The following CDKL5 variants were observed in gnomAD, a reference collection of about 807,000 sequenced individuals.
The protein encoded by CDKL5 is cyclin-dependent kinase-like 5.
In CDKL5, 8 loss-of-function variants were observed where a neutral mutation model predicts 61.7. The ratio of observed to expected loss-of-function variants is 0.13; its 90% CI spans 0.08 to 0.23. The LOEUF (loss-of-function observed/expected upper bound fraction) is 0.23, where lower values mean the gene tolerates loss of function less well. CDKL5 is among the 10% of genes least tolerant of loss of function. The pLI is 1.00. For synonymous variants in CDKL5, 275 were observed against 272.3 expected (o/e 1.01, Z -0.10); for missense variants, 440 against 734.5 (o/e 0.60, Z 4.63).
At chrX:18,538,449 AT>A (rs1302076787) in intron 3 of CDKL5, among the ~76,000 whole-genome samples, 7 of 108,310 alleles carry the variant, frequency 6.5e-5, no homozygotes, top group Non-Finnish European at 1.3e-4. Flanking sequence ...TCATTTATCA[AT>A]TTTTTTTTTC....
chrX:18,633,864 G>A lies in CDKL5; in HGVS notation c.*5107G>A, dbSNP rs1010597450. On this transcript the variant is annotated 3_prime_UTR_variant, in exon 18 of 18. Transcript: ENST00000623535. ...CTCCGGGCACTGACCCCACCTTTCC[G>A]TGTATTTACTGTAGGCTATTAAATA... 21 of 751,606 alleles carry A rather than the reference G, an allele frequency of 2.8e-5. No individual in the cohort carries two copies. The highest frequency in any genetic ancestry group is 8.9e-5 in the Admixed American group (1 of 11,258). The allele number at this position is 751,606 out of a possible 1,213,427, so 61.9% of individuals were successfully genotyped here.
At chrX:18,650,700 C>A in intron 21 of CDKL5, 1 of 907,140 alleles carries the variant, frequency 1.1e-6, no homozygotes, top group Non-Finnish European at 1.6e-6. Flanking sequence ...GGGATTCTGA[C>A]ATCATTGGCC....
Position 18,538,094 on chromosome X carries a change from C to T in CDKL5, c.100-26383C>T, listed in dbSNP as rs556534408. Among the ~76,000 whole-genome samples, 51 of 111,835 alleles carry T rather than the reference C, an allele frequency of 4.6e-4. No individual in the cohort carries two copies. The South Asian group carries it at 0.015, about 33-fold the overall frequency. On this transcript the variant is annotated intron_variant, in intron 3 of 17. Transcript: ENST00000623535. ...GAATCTAGTTTCTTCACATGCTTAC[C>T]GGCATTTTGTATTATCACTATTATT...
At chrX:18,505,752 A>C in intron 1 of CDKL5, among the ~76,000 whole-genome samples, 1 of 112,364 alleles carries the variant, frequency 8.9e-6, no homozygotes, top group South Asian at 3.7e-4. Context: ...TGATCATTTA[A>C]TTAAGGTGGT....
intron 1 of CDKL5, among the ~76,000 whole-genome samples, chrX:18,476,565 T>C (rs749418612): frequency 8.9e-6 from 1 of 111,989 alleles, no homozygotes; most frequent in South Asian, 3.7e-4. Flanking sequence ...TTACTGACTA[T>C]TGGTTATTGA....
At chrX:18,569,857 A>G (rs1191958716) in intron 4 of CDKL5, among the ~76,000 whole-genome samples, 2 of 110,876 alleles carry the variant, frequency 1.8e-5, no homozygotes, top group Non-Finnish European at 3.8e-5. Context: ...CCAGGGAGCT[A>G]TACACTAGTC....
At chrX:18,552,601 A>G (rs1156379074) in intron 3 of CDKL5, among the ~76,000 whole-genome samples, 2 of 111,864 alleles carry the variant, frequency 1.8e-5, no homozygotes, top group Non-Finnish European at 3.8e-5. Flanking sequence ...AAATCTGTAA[A>G]GGTGGAACTT....
intron 1 of CDKL5, among the ~76,000 whole-genome samples, chrX:18,504,852 G>A (rs1201464717): frequency 9.4e-6 from 1 of 106,558 alleles, no homozygotes; most frequent in Non-Finnish European, 1.9e-5. Context: ...AGAATGGTGT[G>A]AACCCGGGAG....
At chrX:18,509,192 A>AACGCAC (rs1555940155) in intron 2 of CDKL5, among the ~76,000 whole-genome samples, 2 of 45,002 alleles carry the variant, frequency 4.4e-5, no homozygotes, top group Non-Finnish European at 8.0e-5. Context: ...ACTGTCTCAA[A>AACGCAC]ACACGCACAC....
Position 18,522,335 on chromosome X carries a change from C to CTTTT in CDKL5, c.99+11505_99+11508dup, listed in dbSNP as rs369618121. ...TCTTGCTCTGTTGCCCAGGCTGGAG[C>CTTTT]TTTTTTTTTTTTTTTTTTTTTTTTT... On this transcript the variant is annotated intron_variant, in intron 3 of 17. Transcript: ENST00000623535. Among the ~76,000 whole-genome samples the CTTTT allele has an allele frequency of 1.6e-4, 6 of 37,510 alleles. 1 individual carries two copies. The highest frequency in any genetic ancestry group is 5.8e-4 in the African/African-American group (5 of 8,681). The allele number at this position is 37,510 out of a possible 115,157, so 32.6% of individuals were successfully genotyped here.
At chrX:18,500,691 T>C (rs985919766) in intron 1 of CDKL5, among the ~76,000 whole-genome samples, 7 of 111,571 alleles carry the variant, frequency 6.3e-5, no homozygotes, top group African/African-American at 2.3e-4. Context: ...TTTTAGTTTT[T>C]ATGCCTTAAA....
intron 11 of CDKL5, 86 bp downstream of exon 11, chrX:18,598,699 G>A: frequency 1.1e-6 from 1 of 895,968 alleles, no homozygotes. Flanking sequence ...GATGCAATTA[G>A]AGAAAAGAAG....
intron 1 of CDKL5, among the ~76,000 whole-genome samples, chrX:18,446,783 C>T (rs1235890293): frequency 4.5e-5 from 5 of 111,916 alleles, no homozygotes; most frequent in East Asian, 2.8e-4. Context: ...TAAATATCAC[C>T]ACTCATACTC....
intron 3 of CDKL5, among the ~76,000 whole-genome samples, chrX:18,514,641 A>C (rs1465174540): frequency 9.7e-6 from 1 of 103,517 alleles, no homozygotes. Context: ...TGGGAGGCGG[A>C]GGTTGCAGTG....
intron 3 of CDKL5, among the ~76,000 whole-genome samples, chrX:18,524,917 T>A (rs1371278136): frequency 9.0e-6 from 1 of 111,272 alleles, no homozygotes; most frequent in Non-Finnish European, 1.9e-5. Flanking sequence ...GTCGAGTCTA[T>A]TTTTTGTTTG....
chrX:18,468,349 C>G (rs2097643429), intron 1 of CDKL5, among the ~76,000 whole-genome samples: 1 of 112,251 alleles, frequency 8.9e-6, no homozygotes, highest in Non-Finnish European at 1.9e-5. Context: ...ATAGTAAACT[C>G]AAGCATTCTA....
Position 18,598,589 on chromosome X carries a change from T to G in CDKL5, c.953T>G (p.Val318Gly). ...TCAGCAAAAAGAAAACCTTACCATG[T>G]GGAAAGCAGCACATTGTCTAATAGG... is the stretch of plus-strand genomic sequence containing the variant. ...SRSAKRKPYHVESSTLSNRNQ... is the reference protein window; with the variant it reads ...SRSAKRKPYHGESSTLSNRNQ... The change falls in exon 11 of 18, where the codon GTG (valine) becomes GGG (glycine). Residue 318 changes from valine to glycine, a missense_variant. Val to Gly is a moderately radical substitution (Grantham distance 109). This residue lies in a region of CDKL5 where 363 missense variants were observed against 516.3 expected (regional missense o/e 0.70). Coordinates refer to ENST00000623535, the MANE Select transcript of CDKL5 (RefSeq NM_001323289.2). 8.3e-7 allele frequency: 1 copy of G among 1,210,504 alleles called. No individual in the cohort carries two copies. Among genetic ancestry groups the G allele is most frequent in the Non-Finnish European group, 1.1e-6 (1 of 894,379 alleles).
chrX:18,582,759 AC>A (rs2147144621), intron 7 of CDKL5, among the ~76,000 whole-genome samples: 1 of 111,791 alleles, frequency 8.9e-6, no homozygotes, highest in African/African-American at 3.2e-5. Flanking sequence ...GAGATGAATT[AC>A]ACAAGCAAGA....
chrX:18,634,981 A>T lies in CDKL5; in HGVS notation c.*6224A>T. The T allele has an allele frequency of 1.3e-6, 1 of 743,737 alleles. No individual in the cohort carries two copies. The allele number at this position is 743,737 out of a possible 1,213,427, so 61.3% of individuals were successfully genotyped here. A position where few individuals can be genotyped will look rare whatever the true frequency, so the allele number is the denominator to read the frequency against. On this transcript the variant is annotated 3_prime_UTR_variant, in exon 18 of 18. Transcript: ENST00000623535. ...GACATCTAGTATGTGGTAGATGAAG[A>T]ATCAGTGGAAATTCTTAATTGCACA...
Sources: allele counts gnomAD v4.1 joint callset (sites outside exome capture counted in the v4.1 genomes callset), GRCh38; gene constraint gnomAD v4.1.1; regional missense constraint gnomAD v4.1.1; transcripts MANE v1.5; gene names NCBI Gene and HGNC (gene_info 2026-07-23, HGNC 2026-07-21).